The following GRK7 variants were observed in gnomAD, a reference collection of about 807,000 sequenced individuals.
GRK7 encodes the protein rhodopsin kinase GRK7.
A neutral mutation model predicts 34.1 loss-of-function variants in GRK7; 24 were observed. The observed-to-expected ratio is 0.70, with a 90% CI of 0.51 to 0.99. The LOEUF (loss-of-function observed/expected upper bound fraction) is 0.99. Ranked by LOEUF, GRK7 falls within the 50% of genes least tolerant of loss-of-function variation. The pLI, the probability that GRK7 is intolerant of heterozygous loss-of-function variation, is 0.00. For synonymous variants in GRK7, 256 were observed against 279.4 expected, an observed-to-expected ratio of 0.92 and a Z score of 0.84; for missense variants, 644 against 707.3, an observed-to-expected ratio of 0.91 and a Z score of 1.02.
chr3:141,762,987 G>A (rs1172231070), upstream of GRK7, among the ~76,000 whole-genome samples: 9 of 152,276 alleles, frequency 5.9e-5, no homozygotes, highest in East Asian at 5.8e-4. Flanking sequence ...GCTTCGGCTC[G>A]CGCCCGGTGC....
chr3:141,805,043 C>G (rs1028884746), intron 4 of GRK7, among the ~76,000 whole-genome samples: 6 of 137,482 alleles, frequency 4.4e-5, no homozygotes, highest in African/African-American at 1.5e-4. Flanking sequence ...CACCCACTCA[C>G]ACACACTCAT....
intron 5 of GRK7, among the ~76,000 whole-genome samples, chr3:141,811,693 C>A (rs745358024): frequency 1.3e-5 from 2 of 152,126 alleles, no homozygotes; most frequent in African/African-American, 4.8e-5. Flanking sequence ...TTTAATCAAA[C>A]GAGATCACGT....
chr3:141,757,129 C>CTTTTTTTTTTTTTTTT, the GRK7 span, among the ~76,000 whole-genome samples: 7 of 101,356 alleles, frequency 6.9e-5, no homozygotes, highest in South Asian at 3.1e-4. Flanking sequence ...AGATCTTCTT[C>CTTTTTTTTTTTTTTTT]TTTTTTTTTT....
intron 1 of GRK7, among the ~76,000 whole-genome samples, chr3:141,768,813 G>A (rs921259123): frequency 1.3e-5 from 2 of 151,972 alleles, no homozygotes; most frequent in Non-Finnish European, 2.9e-5. Context: ...CATCATCTCA[G>A]CCTCTCAGCA....
chr3:141,803,931 C>CTT (rs58994755), intron 4 of GRK7, among the ~76,000 whole-genome samples: 120,351 of 151,884 alleles, frequency 0.79, 48,553 homozygotes, highest in African/African-American at 0.95. Flanking sequence ...AGGCTGGTCT[C>CTT]AACTCCTGAT....
intron 5 of GRK7, among the ~76,000 whole-genome samples, chr3:141,809,839 T>C (rs973703012): frequency 3.9e-5 from 6 of 152,220 alleles, no homozygotes; most frequent in Admixed American, 1.3e-4. Flanking sequence ...AGCTCTGCTA[T>C]AGACTGGTCA....
chr3:141,781,853 T>C (rs1378356190), intron 4 of GRK7, among the ~76,000 whole-genome samples: 2 of 152,258 alleles, frequency 1.3e-5, no homozygotes, highest in African/African-American at 2.4e-5. Context: ...TCTAACATCT[T>C]TACCTCTGAG....
At chr3:141,754,821 G>A in the GRK7 span, among the ~76,000 whole-genome samples, 1 of 152,080 alleles carries the variant, frequency 6.6e-6, no homozygotes, top group African/African-American at 2.4e-5. Context: ...TCTTTTCAGA[G>A]CCTCTTAGAA....
At chr3:141,752,418 C>CCCT in the GRK7 span, among the ~76,000 whole-genome samples, 1 of 152,144 alleles carries the variant, frequency 6.6e-6, no homozygotes, top group Non-Finnish European at 1.5e-5. Context: ...TGCTGCTAAA[C>CCCT]GTCCACAAGG....
At chr3:141,797,725 T>C (rs926639818) in intron 4 of GRK7, among the ~76,000 whole-genome samples, 10 of 152,060 alleles carry the variant, frequency 6.6e-5, no homozygotes, top group Non-Finnish European at 1.3e-4. Flanking sequence ...CGGAGCTTCC[T>C]CTCCGGCTCC....
In GRK7 at chr3:141,801,397, A is replaced by C. The variant is rs190983540; in HGVS notation, c.1051-6248A>C. On this transcript the variant is annotated intron_variant, in intron 4 of 5. Coordinates refer to ENST00000682958, the MANE Select transcript of GRK7 (RefSeq NM_139209.3). Reference sequence around the variant, plus strand: ...ACAGGAATGCAGTCAGCAAAATCTGACTGTGGGAAACTACAGTTTGGCCCC... The same window carrying C: ...ACAGGAATGCAGTCAGCAAAATCTGCCTGTGGGAAACTACAGTTTGGCCCC... Among the ~76,000 whole-genome samples, 57 of 151,808 alleles carry C rather than the reference A, an allele frequency of 3.8e-4. No homozygotes were observed. The Middle Eastern group carries it at 0.021, about 55-fold the overall frequency.
At chr3:141,762,244 G>C (rs1003649560), upstream of GRK7, among the ~76,000 whole-genome samples, 4 of 151,926 alleles carry the variant, frequency 2.6e-5, no homozygotes, top group African/African-American at 9.7e-5. Flanking sequence ...CATCTTTGTG[G>C]TTTTATCTAC....
intron 1 of GRK7, among the ~76,000 whole-genome samples, chr3:141,766,909 A>G (rs2084583980): frequency 2.6e-5 from 4 of 152,222 alleles, no homozygotes; most frequent in Admixed American, 6.5e-5. Flanking sequence ...TGGAATCTCT[A>G]TCAGGAAGTA....
At chr3:141,755,492 C>G in the GRK7 span, among the ~76,000 whole-genome samples, 7 of 152,304 alleles carry the variant, frequency 4.6e-5, no homozygotes, top group South Asian at 1.4e-3. Context: ...ATATCCTCAA[C>G]AAGATTTATT....
chr3:141,763,120 G>C (rs1427156371), upstream of GRK7, among the ~76,000 whole-genome samples: 4 of 152,234 alleles, frequency 2.6e-5, no homozygotes, highest in African/African-American at 9.6e-5. Flanking sequence ...GTAGACCGGA[G>C]CTGTTCCTAT....
At chr3:141,814,562 CT>C (rs1288562807) in intron 5 of GRK7, among the ~76,000 whole-genome samples, 11 of 152,248 alleles carry the variant, frequency 7.2e-5, no homozygotes, top group Admixed American at 2.0e-4. Context: ...GATTTCATTC[CT>C]TTTTATGGCT....
At chr3:141,807,278 C>G (rs750860693) in intron 4 of GRK7, among the ~76,000 whole-genome samples, 3 of 152,098 alleles carry the variant, frequency 2.0e-5, no homozygotes, top group Non-Finnish European at 2.9e-5. Context: ...AAAAGCAGAG[C>G]TTAGGGGATC....
chr3:141,765,784 T>C (rs1213640774), intron 1 of GRK7, among the ~76,000 whole-genome samples, 46 bp downstream of exon 1: 1 of 152,168 alleles, frequency 6.6e-6, no homozygotes, highest in Non-Finnish European at 1.5e-5. Flanking sequence ...TCTGTATATT[T>C]GTGGGATAAG....
chr3:141,779,022 T>G (rs2084657120), intron 3 of GRK7, 126 bp downstream of exon 3: 5 of 901,786 alleles, frequency 5.5e-6, no homozygotes, highest in Admixed American at 2.9e-5. Flanking sequence ...GGAGGATTTC[T>G]AGCCCCGTCT....
Sources: gnomAD v4.1 joint callset for allele counts (sites outside exome capture counted in the v4.1 genomes callset) on GRCh38, gnomAD v4.1.1 for gene constraint, MANE v1.5 for transcripts, NCBI Gene and HGNC (gene_info 2026-07-23, HGNC 2026-07-21) for gene names.